Variants in COL5A2 observed in about 807,000 individuals in gnomAD.
COL5A2 encodes collagen type V alpha 2 chain.
COL5A2 carries 23 observed loss-of-function variants against 208.2 expected under a neutral mutation model. The ratio of observed to expected loss-of-function variants is 0.11; its 90% CI spans 0.08 to 0.16. The LOEUF is 0.16. COL5A2 is among the 10% of genes least tolerant of loss of function. The pLI is 1.00. For missense variants in COL5A2, 1,590 were observed against 1,956.4 expected (o/e 0.81, Z 3.53); for synonymous variants, 625 against 628.5 (o/e 0.99, Z 0.08).
the COL5A2 span, among the ~76,000 whole-genome samples, chr2:189,299,332 G>A: frequency 0.037 from 5,615 of 152,122 alleles, 117 homozygotes; most frequent in Admixed American, 0.05. Flanking sequence ...TTGCGTTAAC[G>A]CTATCATTTA....
At chr2:189,228,186 G>A (rs1689441558), upstream of COL5A2, among the ~76,000 whole-genome samples, 1 of 151,660 alleles carries the variant, frequency 6.6e-6, no homozygotes. Context: ...GAAGTTTAAA[G>A]CAATAAATGC....
the COL5A2 span, among the ~76,000 whole-genome samples, chr2:189,432,206 A>G: frequency 1.7e-4 from 26 of 150,028 alleles, no homozygotes; most frequent in East Asian, 2.8e-3. Flanking sequence ...GAACTAAACC[A>G]GTACCAGCCA....
the COL5A2 span, among the ~76,000 whole-genome samples, chr2:189,254,921 C>G: frequency 6.6e-6 from 1 of 152,206 alleles, no homozygotes; most frequent in Non-Finnish European, 1.5e-5. Flanking sequence ...CATTCTGTAT[C>G]TTATAACCTC....
chr2:189,227,735 A>C (rs1689438210), upstream of COL5A2, among the ~76,000 whole-genome samples: 1 of 152,060 alleles, frequency 6.6e-6, no homozygotes. Flanking sequence ...GAAGTGAAGG[A>C]AGAAATAGAC....
chr2:189,275,747 G>A, the COL5A2 span, among the ~76,000 whole-genome samples: 7,762 of 152,060 alleles, frequency 0.051, 273 homozygotes, highest in Middle Eastern at 0.085. Context: ...CACTGCACCC[G>A]TCCTAATTAC....
chr2:189,046,253 A>T (rs2153507435), intron 45 of COL5A2, among the ~76,000 whole-genome samples: 1 of 152,288 alleles, frequency 6.6e-6, no homozygotes, highest in African/African-American at 2.4e-5. Flanking sequence ...GGAATACACA[A>T]AGACTTTCCA....
the COL5A2 span, among the ~76,000 whole-genome samples, chr2:189,312,284 T>C: frequency 6.6e-6 from 1 of 152,078 alleles, no homozygotes. Context: ...CGTTCAGGCT[T>C]TGCATGGTAT....
intron 4 of COL5A2, among the ~76,000 whole-genome samples, chr2:189,099,830 T>C (rs944006892): frequency 6.6e-6 from 1 of 152,172 alleles, no homozygotes; most frequent in African/African-American, 2.4e-5. Flanking sequence ...CTAGTACTAA[T>C]ATTAACTATC....
chr2:189,139,380 A>T (rs1687891027), intron 1 of COL5A2, among the ~76,000 whole-genome samples: 1 of 152,218 alleles, frequency 6.6e-6, no homozygotes, highest in African/African-American at 2.4e-5. Context: ...CCAGAACTCC[A>T]GTCTAATCAT....
the COL5A2 span, among the ~76,000 whole-genome samples, chr2:189,427,863 TG>T: frequency 3.3e-5 from 5 of 152,358 alleles, no homozygotes; most frequent in South Asian, 1.0e-3. Context: ...ATACCTGCCC[TG>T]CTGAGTTTCA....
chr2:189,260,880 T>C, the COL5A2 span, among the ~76,000 whole-genome samples: 4 of 152,198 alleles, frequency 2.6e-5, no homozygotes, highest in African/African-American at 9.6e-5. Context: ...TCTCCTTCCA[T>C]GAATTGTTCA....
the COL5A2 span, among the ~76,000 whole-genome samples, chr2:189,359,141 T>C: frequency 6.6e-6 from 1 of 152,210 alleles, no homozygotes; most frequent in Non-Finnish European, 1.5e-5. Flanking sequence ...ATCCTTGTCT[T>C]GTTCCTGATC....
At chr2:189,161,228 A>G (rs1176288557) in intron 1 of COL5A2, among the ~76,000 whole-genome samples, 1 of 151,088 alleles carries the variant, frequency 6.6e-6, no homozygotes, top group Admixed American at 6.6e-5. Context: ...CAAGAAACCA[A>G]CCCATGCTCT....
At chr2:189,170,359 G>T (rs1349924998) in intron 1 of COL5A2, among the ~76,000 whole-genome samples, 2 of 152,158 alleles carry the variant, frequency 1.3e-5, no homozygotes, top group Non-Finnish European at 2.9e-5. Context: ...ATGACTTCAT[G>T]ACATAGTCCC....
intron 1 of COL5A2, among the ~76,000 whole-genome samples, chr2:189,126,711 AT>A (rs1687613529): frequency 6.6e-6 from 1 of 152,116 alleles, no homozygotes; most frequent in South Asian, 2.1e-4. Flanking sequence ...CATTTAGTAA[AT>A]GAAATATATG....
intron 16 of COL5A2, among the ~76,000 whole-genome samples, chr2:189,077,173 G>A (rs1224135793): frequency 6.6e-6 from 1 of 152,102 alleles, no homozygotes; most frequent in African/African-American, 2.4e-5. Context: ...GTTCTCTCTT[G>A]TTGAAGATGA....
chr2:189,277,265 T>C, the COL5A2 span, among the ~76,000 whole-genome samples: 1 of 152,178 alleles, frequency 6.6e-6, no homozygotes. Context: ...ATAGGTCTTT[T>C]AATTATCTAA....
intron 1 of COL5A2, among the ~76,000 whole-genome samples, chr2:189,205,844 A>T (rs1224341942): frequency 6.6e-6 from 1 of 152,232 alleles, no homozygotes; most frequent in African/African-American, 2.4e-5. Context: ...ACATAATAGA[A>T]TTAGGATATC....
chr2:189,369,483 A>G, the COL5A2 span, among the ~76,000 whole-genome samples: 2 of 152,144 alleles, frequency 1.3e-5, no homozygotes, highest in African/African-American at 2.4e-5. Flanking sequence ...GCTAATCTCT[A>G]TCTTTTAACT....
Sources: gnomAD v4.1 joint callset for allele counts (sites outside exome capture counted in the v4.1 genomes callset) on GRCh38, gnomAD v4.1.1 for gene constraint, MANE v1.5 for transcripts, NCBI Gene and HGNC (gene_info 2026-07-23, HGNC 2026-07-21) for gene names.